Variants in PTPRO observed in about 807,000 individuals in gnomAD.
PTPRO encodes receptor-type tyrosine-protein phosphatase O.
PTPRO carries 62 observed loss-of-function variants against 145.2 expected under a neutral mutation model. That is an observed-to-expected ratio of 0.43 (90% CI 0.35 to 0.53). The LOEUF is 0.53. PTPRO is among the 20% of genes least tolerant of loss of function. The pLI is 0.01. For missense variants in PTPRO, 1,345 were observed against 1,482.7 expected, an observed-to-expected ratio of 0.91 and a Z score of 1.53; for synonymous variants, 565 against 514.7, an observed-to-expected ratio of 1.10 and a Z score of -1.32.
At chr12:15,376,336 G>A (rs1293395247) in intron 1 of PTPRO, among the ~76,000 whole-genome samples, 1 of 152,116 alleles carries the variant, frequency 6.6e-6, no homozygotes, top group Non-Finnish European at 1.5e-5. Context: ...TGTCAACCAA[G>A]AATTCTATAT....
chr12:15,388,618 A>G (rs1425632923), intron 1 of PTPRO, among the ~76,000 whole-genome samples: 1 of 152,246 alleles, frequency 6.6e-6, no homozygotes, highest in Non-Finnish European at 1.5e-5. Flanking sequence ...TAGATACACC[A>G]TGTGGGTATT....
At chr12:15,506,256 C>G (rs1486870585) in intron 6 of PTPRO, among the ~76,000 whole-genome samples, 1 of 152,192 alleles carries the variant, frequency 6.6e-6, no homozygotes, top group Non-Finnish European at 1.5e-5. Context: ...CATATTATCT[C>G]ATTTGATCCC....
chr12:15,388,938 C>T (rs1398466566), intron 1 of PTPRO, among the ~76,000 whole-genome samples: 1 of 151,804 alleles, frequency 6.6e-6, no homozygotes, highest in African/African-American at 2.4e-5. Context: ...AAAAAATCTA[C>T]TCTTATTGAC....
intron 1 of PTPRO, among the ~76,000 whole-genome samples, chr12:15,432,462 A>G (rs1337239886): frequency 2.0e-5 from 3 of 152,226 alleles, no homozygotes; most frequent in Non-Finnish European, 2.9e-5. Flanking sequence ...TGCAATGAAT[A>G]TATATGTGCA....
At chr12:15,569,278 A>C in intron 18 of PTPRO, 139 bp from the exon 19 acceptor site, 1 of 751,866 alleles carries the variant, frequency 1.3e-6, no homozygotes, top group Non-Finnish European at 2.2e-6. Flanking sequence ...TGAACCAAAA[A>C]AAAAAGGTGA....
At chr12:15,524,500 T>C (rs528813952) in intron 10 of PTPRO, among the ~76,000 whole-genome samples, 2 of 152,142 alleles carry the variant, frequency 1.3e-5, no homozygotes, top group Non-Finnish European at 2.9e-5. Flanking sequence ...GTAACAAAAA[T>C]ATACCCAAAC....
intron 1 of PTPRO, among the ~76,000 whole-genome samples, chr12:15,370,060 T>A (rs975466057): frequency 7.2e-5 from 11 of 151,956 alleles, no homozygotes; most frequent in Non-Finnish European, 1.0e-4. Flanking sequence ...TCAAAAAAAA[T>A]TTTAAAAATG....
chr12:15,364,067 C>A (rs1938287521), intron 1 of PTPRO, among the ~76,000 whole-genome samples: 1 of 152,044 alleles, frequency 6.6e-6, no homozygotes. Context: ...ATAATTCTGA[C>A]AAAGATTAAC....
chr12:15,431,025 A>G (rs1466683978), intron 1 of PTPRO, among the ~76,000 whole-genome samples: 3 of 150,762 alleles, frequency 2.0e-5, no homozygotes, highest in Non-Finnish European at 4.4e-5. Flanking sequence ...TGACCTCAAT[A>G]AAAAAATGTG....
chr12:15,332,238 T>A (rs185460300), intron 1 of PTPRO, among the ~76,000 whole-genome samples: 1 of 152,216 alleles, frequency 6.6e-6, no homozygotes, highest in African/African-American at 2.4e-5. Flanking sequence ...ACAATATTTA[T>A]GCTTATATGA....
chr12:15,483,272 TG>T (rs1162314201), intron 1 of PTPRO, among the ~76,000 whole-genome samples: 3 of 152,166 alleles, frequency 2.0e-5, no homozygotes, highest in Non-Finnish European at 2.9e-5. Flanking sequence ...ACCAATTCCA[TG>T]GATGACTTTT....
chr12:15,326,915 T>C (rs922780005), intron 1 of PTPRO, among the ~76,000 whole-genome samples: 1 of 152,232 alleles, frequency 6.6e-6, no homozygotes, highest in Non-Finnish European at 1.5e-5. Context: ...ACTCCAAATA[T>C]GTTGTAAATA....
chr12:15,448,998 G>T (rs1334096003), intron 1 of PTPRO, among the ~76,000 whole-genome samples: 1 of 77,926 alleles, frequency 1.3e-5, no homozygotes, highest in African/African-American at 3.4e-5. Context: ...AAAAGAAAAA[G>T]TTAGGCAGAA....
At chr12:15,516,007 T>C (rs1264066766) in intron 8 of PTPRO, among the ~76,000 whole-genome samples, 35 of 144,640 alleles carry the variant, frequency 2.4e-4, no homozygotes, top group Non-Finnish European at 4.4e-4. Context: ...TTTTTTTTTT[T>C]GGAGACAGAG....
intron 14 of PTPRO, among the ~76,000 whole-genome samples, chr12:15,549,576 A>G (rs372187940): frequency 1.3e-5 from 2 of 152,184 alleles, no homozygotes; most frequent in East Asian, 3.8e-4. Flanking sequence ...AATTTCATCT[A>G]TTTAGCCTTG....
Position 15,484,230 on chromosome 12 carries a change from C to T in PTPRO, c.332C>T (p.Ser111Leu). The T allele has an allele frequency of 6.2e-7, 1 of 1,613,332 alleles. No homozygotes were observed. Among genetic ancestry groups the T allele is most frequent in the Non-Finnish European group, 8.5e-7 (1 of 1,179,582 alleles). ...AATGTGGTGACCAAGCCATCCAGAT[C>T]AATCACTGTGTTAACAAGTAAGCAT... ...NGNVVTKPSRSITVLTKPLPV... is the reference protein window; with the variant it reads ...NGNVVTKPSRLITVLTKPLPV... The change falls in exon 2 of 27, where the codon TCA becomes TTA. Residue 111 changes from serine to leucine, a missense_variant. Ser to Leu is a moderately radical substitution (Grantham distance 145). Coordinates refer to ENST00000281171, the MANE Select transcript of PTPRO (RefSeq NM_030667.3).
chr12:15,539,096 G>A (rs1014761790), intron 12 of PTPRO, among the ~76,000 whole-genome samples: 8 of 151,652 alleles, frequency 5.3e-5, no homozygotes, highest in African/African-American at 1.7e-4. Flanking sequence ...CATGCTCCTG[G>A]AACCACTGAA....
chr12:15,341,692 T>C (rs1244467029), intron 1 of PTPRO, among the ~76,000 whole-genome samples: 1 of 152,226 alleles, frequency 6.6e-6, no homozygotes, highest in Admixed American at 6.5e-5. Flanking sequence ...GGAAGAATTC[T>C]TGAATGTGCA....
chr12:15,348,685 G>T (rs1184960388), intron 1 of PTPRO: 1 of 152,120 alleles, frequency 6.6e-6, no homozygotes, highest in African/African-American at 2.4e-5. Flanking sequence ...TACTCGGGAG[G>T]CTGACGCAGG....
Sources: gnomAD v4.1 joint callset for allele counts (sites outside exome capture counted in the v4.1 genomes callset) on GRCh38, gnomAD v4.1.1 for gene constraint, MANE v1.5 for transcripts, NCBI Gene and HGNC (gene_info 2026-07-23, HGNC 2026-07-21) for gene names.